The following MKLN1 variants were observed in gnomAD, a reference collection of about 807,000 sequenced individuals.
MKLN1 encodes the protein muskelin.
A neutral mutation model predicts 99.0 loss-of-function variants in MKLN1; 18 were observed. The ratio of observed to expected loss-of-function variants is 0.18; its 90% CI spans 0.13 to 0.27. The LOEUF is 0.27. MKLN1 is among the 10% of genes least tolerant of loss of function. The pLI is 1.00. For synonymous variants in MKLN1, 288 were observed against 293.2 expected (o/e 0.98, Z 0.18); for missense variants, 621 against 875.9 (o/e 0.71, Z 3.67).
intron 3 of MKLN1, among the ~76,000 whole-genome samples, chr7:131,217,676 C>CG (rs1440188056): frequency 6.6e-6 from 1 of 152,212 alleles, no homozygotes. Flanking sequence ...CCAGCCTGGG[C>CG]GAAAGAGTGA....
Position 131,445,862 on chromosome 7 carries a change from T to C in MKLN1, c.1484T>C (p.Val495Ala), listed in dbSNP as rs1312473100. ...FFSYDVDSDH[V>A]DIISDGTKKD... ...AGTTATGATGTGGACTCTGATCATG[T>C]AGACATAATATCAGATGGCACCAAG... Residue 495 changes from valine to alanine, a missense_variant, in exon 12 of 18, where the codon GTA becomes GCA. Val to Ala is a moderately conservative substitution (Grantham distance 64). This residue lies in a region of MKLN1 where 361 missense variants were observed against 540.8 expected (regional missense o/e 0.67). Coordinates refer to ENST00000352689, the MANE Select transcript of MKLN1 (RefSeq NM_013255.5). 6.2e-7 allele frequency: 1 copy of C among 1,607,076 alleles called. No individual in the cohort carries two copies.
intron 2 of MKLN1, among the ~76,000 whole-genome samples, chr7:131,152,835 GTCCCTTAAATCTCTTTTAATTTAAA>G (rs1055108959): frequency 2.0e-5 from 3 of 151,904 alleles, no homozygotes; most frequent in African/African-American, 4.8e-5. Context: ...TGGTTGATAT[GTCCCTTAAATCTCTTTTAATTTAAA>G]TCCCTTAAAT....
intron 9 of MKLN1, 118 bp downstream of exon 9, chr7:131,429,263 G>T (rs1795453587): frequency 1.6e-6 from 1 of 621,222 alleles, no homozygotes; most frequent in Admixed American, 3.5e-5. Context: ...AATAGAATTT[G>T]TGGTAAACAA....
rs200317255 is a variant in MKLN1 at position 131,396,065 on chromosome 7, A to AAT, written c.401-1189_401-1188dup. On this transcript the variant is annotated intron_variant, in intron 4 of 17. Transcript: ENST00000352689. ...TTACAAATAAAAAGTTTTTCAATTG[A>AAT]ATATATATATATATTTTTTTCCACT... Among the ~76,000 whole-genome samples the AAT allele has an allele frequency of 7.9e-4, 118 of 150,052 alleles. 1 individual carries two copies. Among genetic ancestry groups the AAT allele is most frequent in the Non-Finnish European group, 2.1e-4 (14 of 67,768 alleles).
At chr7:131,185,353 A>C (rs77921434) in intron 2 of MKLN1, among the ~76,000 whole-genome samples, 74 of 151,882 alleles carry the variant, frequency 4.9e-4, no homozygotes, top group African/African-American at 1.7e-3. Context: ...CAAGGTGGGC[A>C]GATCACCTGA....
intron 10 of MKLN1, among the ~76,000 whole-genome samples, chr7:131,441,985 G>A (rs1222642978): frequency 3.9e-5 from 6 of 152,200 alleles, no homozygotes; most frequent in Non-Finnish European, 8.8e-5. Flanking sequence ...GGAGGCAGTG[G>A]ATGGGGCCAA....
chr7:131,203,446 A>C (rs1473765141), intron 3 of MKLN1, among the ~76,000 whole-genome samples: 1 of 152,170 alleles, frequency 6.6e-6, no homozygotes, highest in Non-Finnish European at 1.5e-5. Context: ...GCAATTGGGG[A>C]AAACAAAAAT....
chr7:131,226,326 G>T (rs1358696067), intron 3 of MKLN1, among the ~76,000 whole-genome samples: 1 of 152,218 alleles, frequency 6.6e-6, no homozygotes. Context: ...CAGAACTGCT[G>T]ACTTCTAGTG....
intron 8 of MKLN1, among the ~76,000 whole-genome samples, chr7:131,426,682 A>AGT (rs1795367013): frequency 1.3e-5 from 2 of 152,012 alleles, no homozygotes; most frequent in African/African-American, 4.8e-5. Context: ...GTAACTACAG[A>AGT]GTGTTTTTCA....
intron 1 of MKLN1, among the ~76,000 whole-genome samples, chr7:131,348,253 T>C (rs1422728739): frequency 1.3e-5 from 2 of 152,236 alleles, no homozygotes; most frequent in Admixed American, 1.3e-4. Flanking sequence ...TTATCAGATA[T>C]GTTCTAGGTG....
At chr7:131,412,395 G>A (rs1794907228) in intron 7 of MKLN1, among the ~76,000 whole-genome samples, 1 of 152,150 alleles carries the variant, frequency 6.6e-6, no homozygotes, top group African/African-American at 2.4e-5. Context: ...TAGAAAGGCA[G>A]AAGACCATTC....
chr7:131,246,532 T>A (rs1304077774), intron 3 of MKLN1, among the ~76,000 whole-genome samples: 1 of 152,222 alleles, frequency 6.6e-6, no homozygotes, highest in Non-Finnish European at 1.5e-5. Flanking sequence ...TTCGTTCATG[T>A]CCTTTGCTGA....
At chr7:131,447,962 C>T (rs530269876) in intron 12 of MKLN1, among the ~76,000 whole-genome samples, 1 of 152,198 alleles carries the variant, frequency 6.6e-6, no homozygotes, top group Non-Finnish European at 1.5e-5. Context: ...CGTGAGGTGG[C>T]TTACACCTGT....
rs148914928 is a variant in MKLN1 at position 131,338,162 on chromosome 7, A to C, written c.98+10165A>C. On this transcript the variant is annotated intron_variant, in intron 1 of 17. Transcript: ENST00000352689. Reference sequence around the variant, plus strand: ...TTTAAAAGCTCCTTCTTCCTTTTTAATTGCTTTCTGCTGGCTTTTTAGCCT... The same window carrying C: ...TTTAAAAGCTCCTTCTTCCTTTTTACTTGCTTTCTGCTGGCTTTTTAGCCT... Among the ~76,000 whole-genome samples the C allele has an allele frequency of 4.7e-3, 721 of 152,170 alleles. 4 individuals carry two copies. The highest frequency in any genetic ancestry group is 0.017 in the African/African-American group (686 of 41,518).
chr7:131,249,287 G>A (rs997514979), intron 3 of MKLN1, among the ~76,000 whole-genome samples: 5 of 152,194 alleles, frequency 3.3e-5, no homozygotes, highest in African/African-American at 1.2e-4. Context: ...GAGCTGAGCT[G>A]GGGCAACTGA....
chr7:131,200,903 G>A (rs1390650389), intron 2 of MKLN1, among the ~76,000 whole-genome samples: 1 of 152,198 alleles, frequency 6.6e-6, no homozygotes, highest in Admixed American at 6.5e-5. Context: ...ATTAAAGCCA[G>A]TGCCACTGCT....
intron 2 of MKLN1, among the ~76,000 whole-genome samples, chr7:131,146,641 C>T (rs1795818354): frequency 6.6e-6 from 1 of 152,144 alleles, no homozygotes; most frequent in Non-Finnish European, 1.5e-5. Context: ...ACAAATACAA[C>T]ATTGGCGGGA....
At chr7:131,143,399 G>C (rs1196089546) in intron 2 of MKLN1, among the ~76,000 whole-genome samples, 1 of 152,060 alleles carries the variant, frequency 6.6e-6, no homozygotes. Flanking sequence ...CCAGGAGGCA[G>C]AAGTTGCAGC....
chr7:131,240,955 C>T (rs567740527), intron 3 of MKLN1, among the ~76,000 whole-genome samples: 126 of 152,360 alleles, frequency 8.3e-4, no homozygotes, highest in African/African-American at 2.9e-3. Context: ...CTTAGAAAGA[C>T]ACCTTGGTCC....
Sources: gnomAD v4.1 joint callset for allele counts (sites outside exome capture counted in the v4.1 genomes callset) on GRCh38, gnomAD v4.1.1 for gene constraint, gnomAD v4.1.1 regional missense constraint, MANE v1.5 for transcripts, NCBI Gene and HGNC (gene_info 2026-07-23, HGNC 2026-07-21) for gene names.